PTPRD: variants seen among roughly 807,000 people sequenced by gnomAD.
The protein encoded by PTPRD is receptor-type tyrosine-protein phosphatase delta.
Under a neutral mutation model 214.5 loss-of-function variants are expected in PTPRD, and 34 were observed. The ratio of observed to expected loss-of-function variants is 0.16; its 90% CI spans 0.12 to 0.21. The LOEUF is 0.21. Among genes scored for constraint, PTPRD ranks in the 10% least tolerant of loss-of-function variants. PTPRD has a pLI of 1.00. For missense variants in PTPRD, 2,545 were observed against 2,398.7 expected, an observed-to-expected ratio of 1.06 and a Z score of -1.27; for synonymous variants, 1,128 against 845.7, an observed-to-expected ratio of 1.33 and a Z score of -5.79.
Position 9,950,458 on chromosome 9 carries a change from C to A in PTPRD, c.-471-11848G>T, listed in dbSNP as rs543992149. On this transcript the variant is annotated intron_variant, in intron 4 of 45. Transcript: ENST00000381196. ...AGAAAGTGGAGGCCGGGCGCGGTGG[C>A]TCACGCCTGTAATCCCAGCACTTTG... 1.0e-3 allele frequency among the ~76,000 whole-genome samples: 36 copies of A among 34,686 alleles called. 10 individuals are homozygous for A. The highest frequency in any genetic ancestry group is 3.0e-3 in the African/African-American group (4 of 1,328). 22.8% of individuals were successfully genotyped at this position (34,686 alleles called of 152,430 possible). A position where few individuals can be genotyped will look rare whatever the true frequency, so the allele number is the denominator to read the frequency against.
chr9:9,943,521 G>T (rs188185788), intron 4 of PTPRD, among the ~76,000 whole-genome samples: 1 of 152,118 alleles, frequency 6.6e-6, no homozygotes, highest in Admixed American at 6.6e-5. Context: ...TGTCTTCATG[G>T]AACATATCTT....
chr9:8,494,663 G>A (rs2097221209), intron 26 of PTPRD, among the ~76,000 whole-genome samples: 1 of 152,150 alleles, frequency 6.6e-6, no homozygotes, highest in Admixed American at 6.5e-5. Context: ...AGACTTATAT[G>A]TTTCTTATCA....
intron 2 of PTPRD, among the ~76,000 whole-genome samples, chr9:10,411,906 T>G (rs2098439565): frequency 6.6e-6 from 1 of 151,786 alleles, no homozygotes; most frequent in Admixed American, 6.6e-5. Flanking sequence ...TTTCAAATAT[T>G]TATGATGGCA....
At chr9:9,862,185 C>T (rs1259154019) in intron 5 of PTPRD, among the ~76,000 whole-genome samples, 1 of 151,444 alleles carries the variant, frequency 6.6e-6, no homozygotes, top group Admixed American at 6.6e-5. Flanking sequence ...TCTTGCCAAA[C>T]TTGTTTGTAT....
intron 11 of PTPRD, among the ~76,000 whole-genome samples, chr9:8,863,001 G>A (rs1308934927): frequency 6.6e-6 from 1 of 152,072 alleles, no homozygotes; most frequent in Non-Finnish European, 1.5e-5. Flanking sequence ...CACCAGCATG[G>A]CACATGTATA....
chr9:10,056,937 T>C (rs1397909386), intron 3 of PTPRD, among the ~76,000 whole-genome samples: 1 of 152,188 alleles, frequency 6.6e-6, no homozygotes, highest in South Asian at 2.1e-4. Context: ...ACTTTGGGAT[T>C]GTTATTTTTG....
intron 9 of PTPRD, among the ~76,000 whole-genome samples, chr9:9,344,548 T>G (rs2048099197): frequency 6.8e-6 from 1 of 147,822 alleles, no homozygotes; most frequent in Non-Finnish European, 1.5e-5. Flanking sequence ...ATGAATAAAG[T>G]ATATATATAT....
chr9:8,753,095 C>A (rs576621163), intron 11 of PTPRD, among the ~76,000 whole-genome samples: 7 of 152,282 alleles, frequency 4.6e-5, no homozygotes, highest in African/African-American at 1.7e-4. Context: ...CTAATAAAAT[C>A]ACTAGCTTTC....
chr9:9,171,451 C>T (rs2099916982), intron 10 of PTPRD, among the ~76,000 whole-genome samples: 1 of 151,294 alleles, frequency 6.6e-6, no homozygotes, highest in Admixed American at 6.6e-5. Flanking sequence ...AGCTTTTCTT[C>T]TTCAAGTAAA....
intron 9 of PTPRD, among the ~76,000 whole-genome samples, chr9:9,254,506 T>C (rs556552514): frequency 9.2e-5 from 14 of 152,234 alleles, no homozygotes; most frequent in African/African-American, 3.1e-4. Context: ...TTATATATGA[T>C]TTTTAACATG....
At chr9:8,787,689 G>A (rs2096047982) in intron 11 of PTPRD, among the ~76,000 whole-genome samples, 1 of 152,080 alleles carries the variant, frequency 6.6e-6, no homozygotes, top group Non-Finnish European at 1.5e-5. Flanking sequence ...AGGAGGGGAA[G>A]GAAGGAGAGA....
At chr9:10,052,233 C>T (rs1448191132) in intron 3 of PTPRD, among the ~76,000 whole-genome samples, 1 of 152,132 alleles carries the variant, frequency 6.6e-6, no homozygotes, top group Non-Finnish European at 1.5e-5. Context: ...GGCTGCTTCA[C>T]CTGCCTTTAC....
intron 8 of PTPRD, among the ~76,000 whole-genome samples, chr9:9,446,567 T>A (rs1321162838): frequency 6.6e-6 from 1 of 152,158 alleles, no homozygotes; most frequent in Non-Finnish European, 1.5e-5. Flanking sequence ...CTTCAATTGA[T>A]ATTTATTGAG....
At chr9:9,675,663 T>G (rs942800531) in intron 7 of PTPRD, among the ~76,000 whole-genome samples, 1 of 151,914 alleles carries the variant, frequency 6.6e-6, no homozygotes, top group African/African-American at 2.4e-5. Context: ...TCTATGAAAT[T>G]AGCACCAGAG....
At position 10,199,911 on chromosome 9, in the gene PTPRD, G is replaced by GCA. The variant is rs772202474; in HGVS notation, c.-545+141050_-545+141051dup. ...TACATGGGCACTCGCGCGCACACAC[G>GCA]CACACACACACACACACACACACAT... On this transcript the variant is annotated intron_variant, in intron 3 of 45. Transcript: ENST00000381196. Among the ~76,000 whole-genome samples, 648 of 82,862 alleles carry GCA rather than the reference G, an allele frequency of 7.8e-3. 3 individuals carry two copies. Among genetic ancestry groups the GCA allele is most frequent in the East Asian group, 0.036 (62 of 1,728 alleles). 54.4% of individuals were successfully genotyped at this position (82,862 alleles called of 152,430 possible).
intron 11 of PTPRD, among the ~76,000 whole-genome samples, chr9:8,873,739 A>G (rs900816973): frequency 6.6e-6 from 1 of 152,056 alleles, no homozygotes; most frequent in Admixed American, 6.6e-5. Context: ...GCATTGGGGG[A>G]CTAGGTCTCG....
intron 5 of PTPRD, among the ~76,000 whole-genome samples, chr9:9,785,414 A>G (rs1018313221): frequency 1.3e-5 from 2 of 152,062 alleles, no homozygotes; most frequent in Non-Finnish European, 2.9e-5. Context: ...ATATATCATT[A>G]TCATGTACCT....
intron 11 of PTPRD, among the ~76,000 whole-genome samples, chr9:8,795,411 G>A (rs745937940): frequency 3.2e-4 from 49 of 152,028 alleles, no homozygotes; most frequent in Admixed American, 1.6e-3. Context: ...CAGGCAATTC[G>A]CCCACCTCAG....
intron 7 of PTPRD, among the ~76,000 whole-genome samples, chr9:9,639,646 GC>G (rs2095874117): frequency 6.6e-6 from 1 of 152,102 alleles, no homozygotes; most frequent in Non-Finnish European, 1.5e-5. Flanking sequence ...TTATTCTGAA[GC>G]TTTTTAAAAA....
Sources: allele counts gnomAD v4.1 joint callset (sites outside exome capture counted in the v4.1 genomes callset), GRCh38; gene constraint gnomAD v4.1.1; transcripts MANE v1.5; gene names NCBI Gene and HGNC (gene_info 2026-07-23, HGNC 2026-07-21).